Variants in SNX29 observed in about 807,000 individuals in gnomAD.
SNX29 encodes the protein sorting nexin 29.
Under a neutral mutation model 102.1 loss-of-function variants are expected in SNX29, and 78 were observed. That is an observed-to-expected ratio of 0.76 (90% CI 0.64 to 0.92). The LOEUF (loss-of-function observed/expected upper bound fraction) is 0.92, where lower values mean the gene tolerates loss of function less well. SNX29 is among the 40% of genes least tolerant of loss of function. The probability of loss-of-function intolerance (pLI) is 0.00; values close to 1 mark genes in which losing one functional copy is unlikely to be tolerated. For synonymous variants in SNX29, 580 were observed against 414.5 expected (o/e 1.40, Z -4.85); for missense variants, 1,280 against 1,061.7 (o/e 1.21, Z -2.86).
At chr16:12,032,160 TC>T (rs1321013554) in intron 4 of SNX29, among the ~76,000 whole-genome samples, 2 of 152,024 alleles carry the variant, frequency 1.3e-5, no homozygotes, top group Non-Finnish European at 2.9e-5. Context: ...TCAAGGATCG[TC>T]CGTGTTGTAG....
rs1015101633 is a variant in SNX29 at position 12,061,370 on chromosome 16, C to G, written c.1125-158C>G. 3.6e-5 allele frequency: 22 copies of G among 619,322 alleles called. 1 individual carries two copies. Among genetic ancestry groups the G allele is most frequent in the South Asian group, 2.9e-4 (15 of 52,020 alleles). 38.4% of individuals were successfully genotyped at this position (619,322 alleles called of 1,614,324 possible). ...GAGAACAAATGCAAGAGGTCTGGAT[C>G]TGGACTCCACGCTCTACCTCCCAGC... is the stretch of plus-strand genomic sequence containing the variant. On this transcript the variant is annotated intron_variant, in intron 8 of 20. Transcript: ENST00000566228.
intron 13 of SNX29, among the ~76,000 whole-genome samples, chr16:12,156,662 TTC>T (rs764002070): frequency 1.7e-4 from 26 of 152,260 alleles, no homozygotes; most frequent in Non-Finnish European, 1.2e-4. Context: ...CGTGTTTTGT[TTC>T]TCTACCTCTA....
At chr16:12,381,973 C>T (rs1280111778) in intron 16 of SNX29, among the ~76,000 whole-genome samples, 2 of 151,482 alleles carry the variant, frequency 1.3e-5, no homozygotes, top group Admixed American at 6.6e-5. Flanking sequence ...TACAGTTGTG[C>T]AAATGAATTT....
intron 14 of SNX29, among the ~76,000 whole-genome samples, chr16:12,229,150 A>G (rs1009588123): frequency 7.9e-5 from 12 of 152,198 alleles, no homozygotes; most frequent in Non-Finnish European, 1.6e-4. Flanking sequence ...GACAATTTGC[A>G]GTATGTCTTA....
At chr16:12,181,389 C>T (rs946637017) in intron 13 of SNX29, among the ~76,000 whole-genome samples, 1 of 152,156 alleles carries the variant, frequency 6.6e-6, no homozygotes, top group Admixed American at 6.5e-5. Context: ...CGGGACAACT[C>T]GAAGCAGGGC....
intron 3 of SNX29, among the ~76,000 whole-genome samples, chr16:12,013,842 G>C (rs1018543000): frequency 6.6e-6 from 1 of 150,896 alleles, no homozygotes; most frequent in Non-Finnish European, 1.5e-5. Flanking sequence ...AGTAGAGATG[G>C]GTTTCACCGT....
intron 11 of SNX29, among the ~76,000 whole-genome samples, chr16:12,119,072 T>C (rs1732003521): frequency 6.6e-6 from 1 of 152,244 alleles, no homozygotes; most frequent in African/African-American, 2.4e-5. Flanking sequence ...CTCTTGGACC[T>C]GTGTGGTAAG....
intron 1 of SNX29, among the ~76,000 whole-genome samples, chr16:11,996,099 C>T (rs996570061): frequency 6.6e-6 from 1 of 151,604 alleles, no homozygotes; most frequent in Non-Finnish European, 1.5e-5. Context: ...TCCTCAACCT[C>T]CTGAACCAGA....
At chr16:12,186,105 C>CT (rs1178683934) in intron 13 of SNX29, among the ~76,000 whole-genome samples, 1 of 152,110 alleles carries the variant, frequency 6.6e-6, no homozygotes, top group African/African-American at 2.4e-5. Context: ...ATGTTCTTGG[C>CT]TTTATAGTAC....
intron 15 of SNX29, among the ~76,000 whole-genome samples, chr16:12,314,414 A>G (rs903314926): frequency 3.2e-4 from 48 of 152,264 alleles, no homozygotes; most frequent in African/African-American, 1.2e-3. Flanking sequence ...CTCTGGAGCC[A>G]GACAGCTCAG....
At chr16:12,086,535 C>T (rs2052201155) in intron 11 of SNX29, among the ~76,000 whole-genome samples, 1 of 152,054 alleles carries the variant, frequency 6.6e-6, no homozygotes, top group Non-Finnish European at 1.5e-5. Context: ...CTCAGCTTCC[C>T]AAGTAGCTGG....
chr16:12,349,528 C>T (rs150126404), intron 15 of SNX29, among the ~76,000 whole-genome samples: 2 of 152,150 alleles, frequency 1.3e-5, no homozygotes, highest in Non-Finnish European at 2.9e-5. Context: ...ACATAATGCT[C>T]AAAGGAAATG....
intron 13 of SNX29, among the ~76,000 whole-genome samples, chr16:12,197,041 G>C (rs898139277): frequency 6.6e-6 from 1 of 152,254 alleles, no homozygotes; most frequent in Non-Finnish European, 1.5e-5. Flanking sequence ...CAGGGAAGCT[G>C]AGGATCGGCC....
intron 19 of SNX29, among the ~76,000 whole-genome samples, chr16:12,505,666 G>T (rs199792268): frequency 1.4e-5 from 2 of 146,142 alleles, no homozygotes; most frequent in Non-Finnish European, 3.0e-5. Context: ...GAATTGAAAA[G>T]TATGAGTCCT....
intron 20 of SNX29, among the ~76,000 whole-genome samples, chr16:12,532,361 T>C (rs1452751081): frequency 6.6e-6 from 1 of 152,202 alleles, no homozygotes. Flanking sequence ...TGTGGTTCTT[T>C]CAGCAGCTCC....
At chr16:12,319,686 AGAGAAGATTGTCTCGGC>A (rs1204681140) in intron 15 of SNX29, among the ~76,000 whole-genome samples, 1 of 152,056 alleles carries the variant, frequency 6.6e-6, no homozygotes, top group East Asian at 1.9e-4. Flanking sequence ...CGCCAGGAGG[AGAGAAGATTGTCTCGGC>A]CATAGCTCTC....
intron 18 of SNX29, among the ~76,000 whole-genome samples, chr16:12,462,128 C>T (rs928851800): frequency 1.3e-4 from 20 of 150,786 alleles, no homozygotes; most frequent in East Asian, 5.9e-4. Context: ...GCTGTGGCTT[C>T]GCTCTGGGTG....
At chr16:12,503,107 AC>A (rs2089202677) in intron 19 of SNX29, among the ~76,000 whole-genome samples, 1 of 143,042 alleles carries the variant, frequency 7.0e-6, no homozygotes, top group Admixed American at 7.0e-5. Flanking sequence ...CCCATCCACC[AC>A]CCCCACCCCC....
rs1309714134 is a variant in SNX29 at position 12,573,335 on chromosome 16, GGAGTA to G, written c.*4709_*4713del. 4.4e-6 allele frequency: 1 copy of G among 225,604 alleles called. No homozygotes were observed. Among genetic ancestry groups the G allele is most frequent in the African/African-American group, 2.2e-5 (1 of 44,928 alleles). The allele number at this position is 225,604 out of a possible 1,614,324, so 14.0% of individuals were successfully genotyped here. Reference sequence around the variant, plus strand: ...ATTTGGGTACTCTGAATTATGTCATGGAGTAGACAGTTACTTCTAAATCCCAGCAA... The same window carrying G: ...ATTTGGGTACTCTGAATTATGTCATGGACAGTTACTTCTAAATCCCAGCAA... On this transcript the variant is annotated 3_prime_UTR_variant, in exon 21 of 21. Transcript: ENST00000566228.
Sources: allele counts gnomAD v4.1 joint callset (sites outside exome capture counted in the v4.1 genomes callset), GRCh38; gene constraint gnomAD v4.1.1; transcripts MANE v1.5; gene names NCBI Gene and HGNC (gene_info 2026-07-23, HGNC 2026-07-21).